The following RYR2 variants were observed in gnomAD, a reference collection of about 807,000 sequenced individuals.
RYR2 encodes the protein ryanodine receptor 2.
A neutral mutation model predicts 601.1 loss-of-function variants in RYR2; 227 were observed. The ratio of observed to expected loss-of-function variants is 0.38; its 90% CI spans 0.34 to 0.42. The LOEUF is 0.42. RYR2 is among the 10% of genes least tolerant of loss of function. The pLI, the probability that RYR2 is intolerant of heterozygous loss-of-function variation, is 1.00. For missense variants in RYR2, 4,646 were observed against 6,156.5 expected (o/e 0.75, Z 8.21); for synonymous variants, 2,223 against 2,175.1 (o/e 1.02, Z -0.61).
At chr1:237,480,792 G>T (rs986969890) in intron 17 of RYR2, among the ~76,000 whole-genome samples, 2 of 151,984 alleles carry the variant, frequency 1.3e-5, no homozygotes, top group Non-Finnish European at 2.9e-5. Flanking sequence ...TGTCTGTTTT[G>T]CAAATGCATC....
chr1:237,148,520 AAAAAAAAATATATATAT>A (rs1197504932), intron 1 of RYR2, among the ~76,000 whole-genome samples: 7 of 40,932 alleles, frequency 1.7e-4, no homozygotes, highest in Non-Finnish European at 3.4e-4. Flanking sequence ...TCAAGTAAAA[AAAAAAAAATATATATAT>A]ATATATATAT....
chr1:237,801,657 T>C (rs1464881170), intron 97 of RYR2, among the ~76,000 whole-genome samples, 199 bp from the exon 98 acceptor site: 1 of 152,156 alleles, frequency 6.6e-6, no homozygotes, highest in Non-Finnish European at 1.5e-5. Flanking sequence ...CAAGATCCTC[T>C]AAGAACACAT....
intron 79 of RYR2, among the ~76,000 whole-genome samples, chr1:237,740,069 G>A (rs1039675626): frequency 6.6e-6 from 1 of 152,138 alleles, no homozygotes; most frequent in Admixed American, 6.5e-5. Context: ...TTAGCATTCT[G>A]ATCCAGAAAG....
chr1:237,151,808 G>A (rs145570717), intron 1 of RYR2, among the ~76,000 whole-genome samples: 4 of 152,242 alleles, frequency 2.6e-5, no homozygotes, highest in Admixed American at 2.6e-4. Context: ...GTGGGGTGTG[G>A]CATGGACATT....
chr1:237,310,083 G>T (rs77514612), intron 2 of RYR2, among the ~76,000 whole-genome samples: 4,291 of 152,296 alleles, frequency 0.028, 93 homozygotes, highest in Non-Finnish European at 0.045. Context: ...AGGCTGAAAC[G>T]CTCCTAAAGC....
chr1:237,134,377 C>T (rs1410319811), intron 1 of RYR2, among the ~76,000 whole-genome samples: 2 of 152,160 alleles, frequency 1.3e-5, no homozygotes, highest in African/African-American at 4.8e-5. Context: ...AACTGACTCA[C>T]AGTTCCACGT....
At chr1:237,169,674 A>C (rs1276708822) in intron 1 of RYR2, among the ~76,000 whole-genome samples, 1 of 152,134 alleles carries the variant, frequency 6.6e-6, no homozygotes. Flanking sequence ...TTACATTCAC[A>C]TTTCTAAATA....
In RYR2 at chr1:237,519,109, TA is replaced by T. The variant is rs1353941928; in HGVS notation, c.2822+7320del. 5.3e-5 allele frequency among the ~76,000 whole-genome samples: 8 copies of T among 152,334 alleles called. No homozygotes were observed. The South Asian group carries it at 1.7e-3, about 32-fold the overall frequency. On this transcript the variant is annotated intron_variant, in intron 24 of 104. Coordinates refer to ENST00000366574, the MANE Select transcript of RYR2 (RefSeq NM_001035.3). The stretch of plus-strand genomic sequence containing the variant: ...CTATTCATTTCCTTTGCCCAGTTTT[TA>T]AGGAGACTATTTGATGCTTTTCTTG...
intron 1 of RYR2, among the ~76,000 whole-genome samples, chr1:237,223,902 GT>G (rs1160695114): frequency 6.6e-6 from 1 of 152,176 alleles, no homozygotes; most frequent in African/African-American, 2.4e-5. Context: ...ACTTTTTCAG[GT>G]GACAGTGCCC....
intron 100 of RYR2, among the ~76,000 whole-genome samples, chr1:237,810,097 A>G (rs1213328675): frequency 2.0e-5 from 3 of 152,148 alleles, no homozygotes; most frequent in Admixed American, 2.0e-4. Context: ...AGTAATACTC[A>G]TTTTTACATG....
rs1490837122 is a variant in RYR2 at position 237,351,206 on chromosome 1, G to C, written c.274-4759G>C. Among the ~76,000 whole-genome samples, 5 of 151,988 alleles carry C rather than the reference G, an allele frequency of 3.3e-5. No individual in the cohort carries two copies. The East Asian group carries it at 9.6e-4, about 29-fold the overall frequency. On this transcript the variant is annotated intron_variant, in intron 3 of 104. Transcript: ENST00000366574. Reference sequence around the variant, plus strand: ...AAAACATGGATACAGTTAAAACTGTGGATACAGTTAAAACTGATTAGAGGA... The same window carrying C: ...AAAACATGGATACAGTTAAAACTGTCGATACAGTTAAAACTGATTAGAGGA...
At chr1:237,234,651 G>T (rs1685360773) in intron 1 of RYR2, among the ~76,000 whole-genome samples, 1 of 152,082 alleles carries the variant, frequency 6.6e-6, no homozygotes. Context: ...TTTTTGTTAT[G>T]ATTATTAAGC....
chr1:237,296,145 T>G (rs1692760001), intron 2 of RYR2, among the ~76,000 whole-genome samples: 1 of 152,092 alleles, frequency 6.6e-6, no homozygotes, highest in Admixed American at 6.6e-5. Context: ...AGAATGAGTG[T>G]GGACTGTTCA....
intron 97 of RYR2, among the ~76,000 whole-genome samples, chr1:237,799,324 A>G (rs917879505): frequency 2.6e-5 from 4 of 152,216 alleles, no homozygotes; most frequent in Admixed American, 6.5e-5. Context: ...GCATCCCACA[A>G]ACATTTTCAG....
intron 10 of RYR2, among the ~76,000 whole-genome samples, chr1:237,394,015 A>C (rs1295763260): frequency 2.6e-5 from 4 of 152,258 alleles, no homozygotes; most frequent in Non-Finnish European, 5.9e-5. Context: ...TATGAATAGA[A>C]AAACAGACAA....
chr1:237,762,157 A>G (rs1018019204), intron 84 of RYR2, among the ~76,000 whole-genome samples: 2 of 152,196 alleles, frequency 1.3e-5, no homozygotes, highest in Non-Finnish European at 2.9e-5. Context: ...TATGGTTACT[A>G]AACTGAGTTA....
intron 67 of RYR2, among the ~76,000 whole-genome samples, chr1:237,706,115 G>A (rs1267780056): frequency 6.6e-6 from 1 of 152,122 alleles, no homozygotes; most frequent in Non-Finnish European, 1.5e-5. Context: ...CGGGCGTGGT[G>A]GTGTGTGCCT....
At position 237,584,049 on chromosome 1, in the gene RYR2, C is replaced by T. The variant is rs191259012; in HGVS notation, c.3599-5744C>T. Among the ~76,000 whole-genome samples, 337 of 152,320 alleles carry T rather than the reference C, an allele frequency of 2.2e-3. 2 individuals carry two copies. Among genetic ancestry groups the T allele is most frequent in the Admixed American group, 5.4e-3 (83 of 15,304 alleles). On this transcript the variant is annotated intron_variant, in intron 29 of 104. Transcript: ENST00000366574. ...TATGCACTAATTTAAGATCCACTGC[C>T]AGAATGAAAACTTCCCTTATATATC... is the stretch of plus-strand genomic sequence containing the variant.
At chr1:237,179,983 G>A (rs998642283) in intron 1 of RYR2, among the ~76,000 whole-genome samples, 1 of 152,094 alleles carries the variant, frequency 6.6e-6, no homozygotes, top group African/African-American at 2.4e-5. Context: ...TTTCAGATTG[G>A]CAGTGGCTTT....
Sources: gnomAD v4.1 joint callset for allele counts (sites outside exome capture counted in the v4.1 genomes callset) on GRCh38, gnomAD v4.1.1 for gene constraint, MANE v1.5 for transcripts, NCBI Gene and HGNC (gene_info 2026-07-23, HGNC 2026-07-21) for gene names.